The following IFI27L1 variants were observed in gnomAD, a reference collection of about 807,000 sequenced individuals.
The protein encoded by IFI27L1 is interferon alpha inducible protein 27 like 1.
In IFI27L1, 3 loss-of-function variants were observed where a neutral mutation model predicts 9.2. The ratio of observed to expected loss-of-function variants is 0.32; its 90% CI spans 0.15 to 0.84. The LOEUF is 0.84. Among genes scored for constraint, IFI27L1 ranks in the 40% least tolerant of loss-of-function variants. The probability of loss-of-function intolerance (pLI) is 0.56; values close to 1 mark genes in which losing one functional copy is unlikely to be tolerated. For synonymous variants in IFI27L1, 53 were observed against 50.0 expected (o/e 1.06, Z -0.26); for missense variants, 133 against 134.2 (o/e 0.99, Z 0.05).
chr14:94,088,236 GT>G (rs1363172900), intron 1 of IFI27L1: 17 of 701,928 alleles, frequency 2.4e-5, no homozygotes, highest in Non-Finnish European at 3.9e-5. Context: ...GTAGGGACTT[GT>G]TTTTTTGCAG....
intron 2 of IFI27L1, 52 bp downstream of exon 2, chr14:94,097,017 A>G (rs888623875): frequency 1.3e-6 from 2 of 1,496,974 alleles, no homozygotes; most frequent in Non-Finnish European, 1.8e-6. Flanking sequence ...AGGTGAATGC[A>G]CTTTGTGTCC....
rs571619517 is a variant in IFI27L1, at chr14:94,098,242, C to T, written c.28+1277C>T. ...GAAATCAGAGTGTCCCAGGGCCATG[C>T]TGTCTCTGAAGGCCCTTCAGGAGAA... On this transcript the variant is annotated intron_variant, in intron 2 of 4. Transcript: ENST00000555523. Among the ~76,000 whole-genome samples, 4 of 152,330 alleles carry T rather than the reference C, an allele frequency of 2.6e-5. No individual in the cohort carries two copies. The East Asian group carries it at 7.7e-4, about 29-fold the overall frequency.
chr14:94,096,847 T>C (rs7157940), intron 1 of IFI27L1, 40 bp from the exon 2 acceptor site: 640,499 of 1,181,144 alleles, frequency 0.54, 181,921 homozygotes, highest in East Asian at 0.93. Flanking sequence ...GCAGCTTTAT[T>C]CAAACCAGAT....
intron 2 of IFI27L1, among the ~76,000 whole-genome samples, chr14:94,099,096 A>G (rs4586362): frequency 0.5 from 75,756 of 152,086 alleles, 20,319 homozygotes; most frequent in African/African-American, 0.71. Context: ...ATTGGGAACA[A>G]TCCCAGAGAG....
chr14:94,088,544 G>T (rs1205126007), intron 1 of IFI27L1, among the ~76,000 whole-genome samples: 2 of 143,120 alleles, frequency 1.4e-5, no homozygotes, highest in Non-Finnish European at 1.5e-5. Context: ...CTGTCGCCCA[G>T]GTTGGAGTGC....
At chr14:94,090,758 AC>A (rs371830573) in intron 1 of IFI27L1, among the ~76,000 whole-genome samples, 44 of 152,350 alleles carry the variant, frequency 2.9e-4, no homozygotes, top group African/African-American at 1.0e-3. Context: ...GCACATCATT[AC>A]AGTCAAAGCC....
intron 1 of IFI27L1, among the ~76,000 whole-genome samples, chr14:94,091,662 A>G (rs1023295506): frequency 2.6e-5 from 4 of 152,186 alleles, no homozygotes; most frequent in Non-Finnish European, 4.4e-5. Context: ...CCAGGTCACC[A>G]TAAGTCATTT....
At chr14:94,100,162 A>G in intron 2 of IFI27L1, 1 of 431,122 alleles carries the variant, frequency 2.3e-6, no homozygotes, top group Non-Finnish European at 3.1e-6. Context: ...TGATATCATC[A>G]AGACAGGTCA....
intron 1 of IFI27L1, chr14:94,088,319 A>T: frequency 1.4e-6 from 1 of 702,288 alleles, no homozygotes; most frequent in Non-Finnish European, 2.6e-6. Context: ...TTTTCATTTT[A>T]CTGGCATAGA....
chr14:94,102,003 G>A (rs1886919622), intron 4 of IFI27L1, 28 bp downstream of exon 4: 2 of 1,613,134 alleles, frequency 1.2e-6, no homozygotes, highest in Non-Finnish European at 1.7e-6. Flanking sequence ...GATGACCAGA[G>A]CCAGGAGATG....
intron 2 of IFI27L1, chr14:94,097,782 C>T (rs1886728041): frequency 7.4e-6 from 5 of 676,128 alleles, no homozygotes; most frequent in East Asian, 2.7e-5. Flanking sequence ...AACGGGGCTG[C>T]CCTTTACAGA....
intron 1 of IFI27L1, among the ~76,000 whole-genome samples, chr14:94,086,488 G>T (rs575669239): frequency 5.9e-5 from 9 of 152,180 alleles, no homozygotes; most frequent in African/African-American, 2.2e-4. Flanking sequence ...ATTCCCCATT[G>T]CCAATAAATA....
Position 94,093,167 on chromosome 14 carries a change from C to CTTTTT in IFI27L1, c.-51-3707_-51-3703dup, listed in dbSNP as rs66928480. 8.1e-3 allele frequency among the ~76,000 whole-genome samples: 1,013 copies of CTTTTT among 125,422 alleles called. 27 individuals carry two copies. Among genetic ancestry groups the CTTTTT allele is most frequent in the African/African-American group, 0.029 (925 of 32,394 alleles). 82.3% of individuals were successfully genotyped at this position (125,422 alleles called of 152,430 possible). A position where few individuals can be genotyped will look rare whatever the true frequency, so the allele number is the denominator to read the frequency against. ...CAAAATTTTTGACTGCATTTCTTTT[C>CTTTTT]TTTTTTTTTTTTTTTTTGAGATGGA... On this transcript the variant is annotated intron_variant, in intron 1 of 4. Transcript: ENST00000555523.
intron 1 of IFI27L1, 116 bp from the exon 2 acceptor site, chr14:94,096,762 ATTATATGTT>A (rs1886686699): frequency 9.0e-6 from 5 of 555,558 alleles, no homozygotes; most frequent in African/African-American, 7.5e-5. Context: ...GGTTTACGGG[ATTATATGTT>A]TTATATGATA....
intron 1 of IFI27L1, among the ~76,000 whole-genome samples, chr14:94,081,999 A>T (rs1886123845): frequency 6.6e-6 from 1 of 152,222 alleles, no homozygotes; most frequent in Admixed American, 6.5e-5. Flanking sequence ...TGAGGAAGGG[A>T]TGTCAAAAGG....
chr14:94,099,472 A>T (rs146995512), intron 2 of IFI27L1, among the ~76,000 whole-genome samples: 5 of 152,272 alleles, frequency 3.3e-5, no homozygotes, highest in Admixed American at 2.6e-4. Flanking sequence ...GAACAGAAAG[A>T]CACAGAGATT....
chr14:94,094,525 C>T (rs1216150167), intron 1 of IFI27L1, among the ~76,000 whole-genome samples: 2 of 152,114 alleles, frequency 1.3e-5, no homozygotes, highest in Admixed American at 6.5e-5. Context: ...AAAGACTTTG[C>T]TGATAAAGCA....
chr14:94,087,983 A>G (rs1886340123), intron 1 of IFI27L1, among the ~76,000 whole-genome samples: 1 of 152,184 alleles, frequency 6.6e-6, no homozygotes. Context: ...TCATGCAAAC[A>G]CTGCATGTTC....
At chr14:94,100,324 CT>C (rs1886845124) in intron 2 of IFI27L1, 21 of 985,408 alleles carry the variant, frequency 2.1e-5, no homozygotes, top group Non-Finnish European at 2.5e-5. Context: ...TGGCTGAGCT[CT>C]TTCTAGCAGG....
Sources: allele counts gnomAD v4.1 joint callset (sites outside exome capture counted in the v4.1 genomes callset), GRCh38; gene constraint gnomAD v4.1.1; transcripts MANE v1.5; gene names NCBI Gene and HGNC (gene_info 2026-07-23, HGNC 2026-07-21).